The following NLK variants were observed in gnomAD, a reference collection of about 807,000 sequenced individuals.
NLK encodes the protein nemo like kinase.
NLK carries 11 observed loss-of-function variants against 59.0 expected under a neutral mutation model. That is an observed-to-expected ratio of 0.19 (90% CI 0.12 to 0.31). The LOEUF (loss-of-function observed/expected upper bound fraction) is 0.31, where lower values mean the gene tolerates loss of function less well. Ranked by LOEUF, NLK falls within the 10% of genes least tolerant of loss-of-function variation. The pLI is 1.00. For synonymous variants in NLK, 235 were observed against 235.9 expected (o/e 1.00, Z 0.03); for missense variants, 410 against 661.1 (o/e 0.62, Z 4.16).
chr17:28,154,825 G>C (rs1454239268), intron 3 of NLK, among the ~76,000 whole-genome samples: 1 of 152,112 alleles, frequency 6.6e-6, no homozygotes, highest in Non-Finnish European at 1.5e-5. Flanking sequence ...CTTGAGGTCA[G>C]GAGTTCAAGA....
chr17:28,101,518 TA>T (rs898266606), intron 1 of NLK, among the ~76,000 whole-genome samples: 3 of 152,312 alleles, frequency 2.0e-5, no homozygotes, highest in Non-Finnish European at 2.9e-5. Flanking sequence ...TATTTGTGAG[TA>T]TTTTTTTTGT....
chr17:28,088,718 T>C (rs1904370880), intron 1 of NLK, among the ~76,000 whole-genome samples: 1 of 152,198 alleles, frequency 6.6e-6, no homozygotes, highest in African/African-American at 2.4e-5. Flanking sequence ...CCTAGTTGTC[T>C]AGATTTGACA....
chr17:28,143,360 A>C (rs1167861660), intron 3 of NLK, among the ~76,000 whole-genome samples: 1 of 150,208 alleles, frequency 6.7e-6, no homozygotes, highest in Admixed American at 6.6e-5. Context: ...AAACTTTTAA[A>C]AAAGGATTGT....
At chr17:28,061,852 T>C (rs1388155052) in intron 1 of NLK, 1 of 145,654 alleles carries the variant, frequency 6.9e-6, no homozygotes, top group Non-Finnish European at 1.5e-5. Flanking sequence ...ATATATAATA[T>C]ATAATATATA....
At chr17:28,160,201 C>T (rs1174471620) in intron 3 of NLK, among the ~76,000 whole-genome samples, 2 of 152,006 alleles carry the variant, frequency 1.3e-5, no homozygotes, top group Non-Finnish European at 2.9e-5. Flanking sequence ...TTTCAACGTA[C>T]AATGATTGAA....
Position 28,168,669 on chromosome 17 carries a change from A to G in NLK, c.1047+12A>G, listed in dbSNP as rs376724521. ...GTCCCATTCAGCAGGTATGATTTCAATTTAAGGCTTTAGTTGCAATTCTAT... is the reference window on the plus strand; with the variant it reads ...GTCCCATTCAGCAGGTATGATTTCAGTTTAAGGCTTTAGTTGCAATTCTAT... On this transcript the variant is annotated intron_variant, in intron 6 of 10. Transcript: ENST00000407008. 5.4e-5 allele frequency: 86 copies of G among 1,602,256 alleles called. No individual in the cohort carries two copies. Among genetic ancestry groups the G allele is most frequent in the Non-Finnish European group, 7.3e-5 (85 of 1,169,376 alleles).
chr17:28,043,113 A>G lies in NLK; in HGVS notation c.240A>G (p.Ala80=), dbSNP rs1390718407. The change falls in exon 1 of 11, where the codon GCA becomes GCG. Residue 80 remains alanine (A), a synonymous_variant. Coordinates refer to ENST00000407008, the MANE Select transcript of NLK (RefSeq NM_016231.5). ...SAAAAAAAAA[A]AAAMLNPGQQ... The stretch of plus-strand genomic sequence containing the variant: ...CTGCGGCAGCCGCAGCAGCGGCTGC[A>G]GCTGCAGCCATGTTAAACCCTGGGC... The G allele has an allele frequency of 6.3e-7, 1 of 1,594,974 alleles. No individual in the cohort carries two copies. The highest frequency in any genetic ancestry group is 1.8e-5 in the Admixed American group (1 of 55,252).
At chr17:28,111,704 C>T (rs1905486930) in intron 1 of NLK, among the ~76,000 whole-genome samples, 1 of 152,104 alleles carries the variant, frequency 6.6e-6, no homozygotes, top group Admixed American at 6.6e-5. Context: ...TGTCTCCCCA[C>T]TGAGGTGTAG....
chr17:28,202,367 G>T, the NLK span, among the ~76,000 whole-genome samples: 1 of 151,458 alleles, frequency 6.6e-6, no homozygotes, highest in Non-Finnish European at 1.5e-5. Flanking sequence ...CTGTACTCCT[G>T]CCTGGGCGGT....
intron 3 of NLK, among the ~76,000 whole-genome samples, chr17:28,138,045 A>T (rs1008146822): frequency 6.6e-6 from 1 of 152,188 alleles, no homozygotes; most frequent in Non-Finnish European, 1.5e-5. Context: ...TTTGGTACTT[A>T]ATTACTTTGA....
chr17:28,106,421 C>T (rs1905083423), intron 1 of NLK, among the ~76,000 whole-genome samples: 2 of 152,010 alleles, frequency 1.3e-5, no homozygotes, highest in African/African-American at 4.8e-5. Context: ...CAGATGTATT[C>T]CTTATAACAG....
At chr17:28,079,552 G>A (rs1002619643) in intron 1 of NLK, among the ~76,000 whole-genome samples, 3 of 152,016 alleles carry the variant, frequency 2.0e-5, no homozygotes, top group Admixed American at 2.0e-4. Flanking sequence ...ATTTTTGATA[G>A]TGGCCATCCT....
chr17:28,069,155 T>C (rs1187622407), intron 1 of NLK, among the ~76,000 whole-genome samples: 1 of 152,226 alleles, frequency 6.6e-6, no homozygotes, highest in Non-Finnish European at 1.5e-5. Flanking sequence ...AGATTTTATA[T>C]AGATAGAATC....
intron 1 of NLK, among the ~76,000 whole-genome samples, chr17:28,091,451 CAT>C (rs959473078): frequency 1.2e-4 from 18 of 151,226 alleles, no homozygotes; most frequent in East Asian, 3.9e-4. Flanking sequence ...CATTTACACA[CAT>C]GTCTAAAATA....
intron 1 of NLK, among the ~76,000 whole-genome samples, chr17:28,094,019 G>A (rs147063391): frequency 2.9e-4 from 44 of 152,266 alleles, no homozygotes; most frequent in African/African-American, 1.1e-3. Context: ...ATTTAATAGG[G>A]TAGCAGAAAG....
chr17:28,140,218 G>A (rs1025404769), intron 3 of NLK, among the ~76,000 whole-genome samples: 4 of 152,016 alleles, frequency 2.6e-5, no homozygotes, highest in Non-Finnish European at 5.9e-5. Context: ...TAAGGAAATT[G>A]GTCTTTATTC....
chr17:28,100,549 T>G (rs1383614444), intron 1 of NLK, among the ~76,000 whole-genome samples: 3 of 152,224 alleles, frequency 2.0e-5, no homozygotes, highest in African/African-American at 7.2e-5. Context: ...ATTAGCCATC[T>G]GCATAAAGTG....
In NLK at chr17:28,151,383, A is replaced by T. The variant is rs1907473561; in HGVS notation, c.645-9777A>T. Among the ~76,000 whole-genome samples, 4 of 152,314 alleles carry T rather than the reference A, an allele frequency of 2.6e-5. No homozygotes were observed. In the South Asian group the frequency reaches 6.2e-4, roughly 24 times the overall value. Reference sequence around the variant, plus strand: ...GGAATTATTTTCCAAAGAAAATTTTAAAATGTTGGCCTGGTTGTCTCATTG... The same window carrying T: ...GGAATTATTTTCCAAAGAAAATTTTTAAATGTTGGCCTGGTTGTCTCATTG... On this transcript the variant is annotated intron_variant, in intron 3 of 10. Coordinates refer to ENST00000407008, the MANE Select transcript of NLK (RefSeq NM_016231.5).
intron 1 of NLK, among the ~76,000 whole-genome samples, chr17:28,116,688 CTT>C (rs1905790200): frequency 2.0e-5 from 3 of 152,124 alleles, no homozygotes; most frequent in African/African-American, 7.2e-5. Flanking sequence ...ATAAAACTGT[CTT>C]TTTCTTTCAA....
Sources: allele counts gnomAD v4.1 joint callset (sites outside exome capture counted in the v4.1 genomes callset), GRCh38; gene constraint gnomAD v4.1.1; transcripts MANE v1.5; gene names NCBI Gene and HGNC (gene_info 2026-07-23, HGNC 2026-07-21).